KDM4C: variants seen among roughly 807,000 people sequenced by gnomAD.
The protein encoded by KDM4C is lysine demethylase 4C.
Under a neutral mutation model 129.3 loss-of-function variants are expected in KDM4C, and 81 were observed. The observed-to-expected ratio is 0.63, with a 90% CI of 0.52 to 0.75. The LOEUF is 0.75. Ranked by LOEUF, KDM4C falls within the 30% of genes least tolerant of loss-of-function variation. KDM4C has a pLI of 0.00. For synonymous variants in KDM4C, 573 were observed against 456.1 expected (o/e 1.26, Z -3.26); for missense variants, 1,457 against 1,304.0 (o/e 1.12, Z -1.81).
At chr9:6,724,046 C>G (rs1817048150) in intron 1 of KDM4C, 1 of 152,140 alleles carries the variant, frequency 6.6e-6, no homozygotes, top group Non-Finnish European at 1.5e-5. Context: ...AATAGTAAAA[C>G]AGTACAGGAT....
intron 18 of KDM4C, among the ~76,000 whole-genome samples, chr9:7,118,831 A>T (rs1179948705): frequency 6.6e-6 from 1 of 152,144 alleles, no homozygotes; most frequent in Non-Finnish European, 1.5e-5. Context: ...CCAAGGTGAC[A>T]TCTCCGCCCA....
At chr9:6,859,335 C>T (rs368417110) in intron 5 of KDM4C, among the ~76,000 whole-genome samples, 6 of 151,740 alleles carry the variant, frequency 4.0e-5, no homozygotes, top group Non-Finnish European at 7.4e-5. Flanking sequence ...ATTAGTTCGA[C>T]GTAGTGGCCC....
At chr9:6,790,980 C>T (rs1429476528) in intron 1 of KDM4C, among the ~76,000 whole-genome samples, 1 of 152,206 alleles carries the variant, frequency 6.6e-6, no homozygotes, top group East Asian at 1.9e-4. Flanking sequence ...CATTATTAAA[C>T]TCCTGTCCGT....
intron 2 of KDM4C, among the ~76,000 whole-genome samples, chr9:6,799,182 C>T (rs1364589402): frequency 1.3e-5 from 2 of 152,192 alleles, no homozygotes; most frequent in Non-Finnish European, 2.9e-5. Context: ...GCAGAGGCTG[C>T]AATCTCGGCA....
rs758097065 is a variant in KDM4C, at chr9:7,135,929, A to T, written c.2781+7693A>T. Among the ~76,000 whole-genome samples the T allele has an allele frequency of 1.6e-4, 24 of 152,234 alleles. 1 individual carries two copies. The highest frequency in any genetic ancestry group is 2.9e-5 in the Non-Finnish European group (2 of 68,042). On this transcript the variant is annotated intron_variant, in intron 19 of 21. Coordinates refer to ENST00000381309, the MANE Select transcript of KDM4C (RefSeq NM_015061.6). ...GCCCACTGATGTATTATGCTGCTCC[A>T]CACTGATGCAGTTATACTCCCTCAC... is the stretch of plus-strand genomic sequence containing the variant.
intron 18 of KDM4C, among the ~76,000 whole-genome samples, chr9:7,123,150 G>A (rs566196574): frequency 1.3e-5 from 2 of 152,262 alleles, no homozygotes; most frequent in South Asian, 4.1e-4. Context: ...TGAAGGTTGT[G>A]TATTTAATTT....
At chr9:7,155,005 T>TA (rs1467082045) in intron 19 of KDM4C, among the ~76,000 whole-genome samples, 5 of 152,242 alleles carry the variant, frequency 3.3e-5, no homozygotes, top group Non-Finnish European at 7.3e-5. Flanking sequence ...GGTGTTTACT[T>TA]ACTCCAGTAA....
At chr9:7,021,828 T>G (rs546102938) in intron 15 of KDM4C, among the ~76,000 whole-genome samples, 1 of 152,352 alleles carries the variant, frequency 6.6e-6, no homozygotes, top group East Asian at 1.9e-4. Flanking sequence ...ATTTGATTTT[T>G]GTATATGGGA....
At chr9:6,921,343 A>T (rs765186317) in intron 8 of KDM4C, among the ~76,000 whole-genome samples, 1 of 152,188 alleles carries the variant, frequency 6.6e-6, no homozygotes, top group Non-Finnish European at 1.5e-5. Flanking sequence ...TTGGATGTTG[A>T]TGGGCTTCAC....
chr9:7,122,192 T>C (rs1839553276), intron 18 of KDM4C, among the ~76,000 whole-genome samples: 1 of 151,556 alleles, frequency 6.6e-6, no homozygotes, highest in South Asian at 2.1e-4. Flanking sequence ...GGGAAGCAGC[T>C]CATCTTATAT....
chr9:7,071,650 C>T (rs979727218), intron 17 of KDM4C, among the ~76,000 whole-genome samples: 2 of 151,984 alleles, frequency 1.3e-5, no homozygotes, highest in Admixed American at 1.3e-4. Flanking sequence ...AACATCAAAC[C>T]AGAAACTATA....
At chr9:6,948,223 T>TC in intron 8 of KDM4C, 1 of 152,364 alleles carries the variant, frequency 6.6e-6, no homozygotes, top group East Asian at 1.9e-4. Context: ...TTTTGTGACT[T>TC]ACACAGTTAT....
intron 18 of KDM4C, among the ~76,000 whole-genome samples, chr9:7,126,947 AAAT>A (rs1465980715): frequency 2.6e-5 from 4 of 152,208 alleles, no homozygotes; most frequent in African/African-American, 9.7e-5. Context: ...TTGAACACCA[AAAT>A]AATAAAGTAA....
At chr9:6,990,226 C>T (rs1007195252) in intron 11 of KDM4C, among the ~76,000 whole-genome samples, 190 bp from the exon 12 acceptor site, 6 of 152,088 alleles carry the variant, frequency 3.9e-5, no homozygotes, top group African/African-American at 1.2e-4. Flanking sequence ...GCTAAAATTA[C>T]TAATAGAATT....
chr9:6,883,233 TA>T, intron 6 of KDM4C, among the ~76,000 whole-genome samples: 1 of 152,352 alleles, frequency 6.6e-6, no homozygotes, highest in African/African-American at 2.4e-5. Context: ...ACTTAGCTGA[TA>T]GTCTGAAATA....
intron 2 of KDM4C, among the ~76,000 whole-genome samples, chr9:6,796,329 C>CA (rs1440817418): frequency 3.9e-5 from 6 of 152,128 alleles, no homozygotes; most frequent in African/African-American, 1.4e-4. Context: ...CCTGTAGTCC[C>CA]AGCTAATCGG....
intron 19 of KDM4C, among the ~76,000 whole-genome samples, chr9:7,131,760 A>G (rs12342103): frequency 0.54 from 81,934 of 152,028 alleles, 22,480 homozygotes; most frequent in Middle Eastern, 0.63. Flanking sequence ...CAGGACGTAA[A>G]AAAAAAATGT....
intron 2 of KDM4C, among the ~76,000 whole-genome samples, chr9:6,796,096 T>C (rs1827696647): frequency 6.6e-6 from 1 of 152,110 alleles, no homozygotes; most frequent in African/African-American, 2.4e-5. Context: ...CGTAATGACT[T>C]TCTCAGATGA....
At chr9:6,802,521 A>T (rs910286042) in intron 2 of KDM4C, among the ~76,000 whole-genome samples, 1 of 152,252 alleles carries the variant, frequency 6.6e-6, no homozygotes, top group East Asian at 1.9e-4. Context: ...CCACATGCCC[A>T]TCAATGGTTA....
Sources: gnomAD v4.1 joint callset for allele counts (sites outside exome capture counted in the v4.1 genomes callset) on GRCh38, gnomAD v4.1.1 for gene constraint, MANE v1.5 for transcripts, NCBI Gene and HGNC (gene_info 2026-07-23, HGNC 2026-07-21) for gene names.